Variants in TMEM74 observed in about 807,000 individuals in gnomAD.
TMEM74 encodes transmembrane protein 74.
TMEM74 carries 13 observed loss-of-function variants against 18.1 expected under a neutral mutation model. The observed-to-expected ratio is 0.72, with a 90% CI of 0.47 to 1.14. TMEM74 has a LOEUF of 1.14. Ranked by LOEUF, TMEM74 falls within the 50% of genes most tolerant of loss-of-function variation. The pLI is 0.00. For synonymous variants in TMEM74, 159 were observed against 146.6 expected (o/e 1.08, Z -0.61); for missense variants, 372 against 375.9 (o/e 0.99, Z 0.09).
chr8:108,719,691 T>G (rs1193952476), intron 1 of TMEM74, among the ~76,000 whole-genome samples: 1 of 152,132 alleles, frequency 6.6e-6, no homozygotes, highest in African/African-American at 2.4e-5. Context: ...CAGGCTACTT[T>G]GAGAGTGGAG....
At chr8:108,609,332 C>T (rs2928832) in intron 2 of TMEM74, among the ~76,000 whole-genome samples, 32,377 of 151,988 alleles carry the variant, frequency 0.21, 3,431 homozygotes, top group East Asian at 0.27. Flanking sequence ...TTAAGTTTAA[C>T]GTGTTTAAGT....
intron 1 of TMEM74, among the ~76,000 whole-genome samples, chr8:108,704,303 C>A (rs1586267312): frequency 6.6e-6 from 1 of 152,220 alleles, no homozygotes; most frequent in African/African-American, 2.4e-5. Flanking sequence ...CATTTCCCCT[C>A]ATTTTTCATC....
At chr8:108,677,923 T>A (rs1813070437) in intron 1 of TMEM74, among the ~76,000 whole-genome samples, 1 of 152,124 alleles carries the variant, frequency 6.6e-6, no homozygotes, top group African/African-American at 2.4e-5. Context: ...GTTTTGACAA[T>A]TTATTGTTAT....
chr8:108,724,399 A>G (rs1229293188), intron 1 of TMEM74, among the ~76,000 whole-genome samples: 2 of 152,196 alleles, frequency 1.3e-5, no homozygotes, highest in Non-Finnish European at 2.9e-5. Context: ...TATTACATAA[A>G]TGTTATGAAA....
chr8:108,666,113 A>G (rs1220515876), intron 1 of TMEM74, among the ~76,000 whole-genome samples: 1 of 152,200 alleles, frequency 6.6e-6, no homozygotes, highest in Non-Finnish European at 1.5e-5. Flanking sequence ...TTTTAGGCAC[A>G]GGTCTCATTT....
chr8:108,745,157 T>A (rs1460973459), intron 1 of TMEM74, among the ~76,000 whole-genome samples: 1 of 152,178 alleles, frequency 6.6e-6, no homozygotes, highest in Admixed American at 6.5e-5. Flanking sequence ...TTTCTTCCTC[T>A]GTTTAGTTGG....
At chr8:108,675,540 C>G (rs1468483093) in intron 1 of TMEM74, among the ~76,000 whole-genome samples, 2 of 152,168 alleles carry the variant, frequency 1.3e-5, no homozygotes. Flanking sequence ...ACAAAGTGCT[C>G]AAATGAATGT....
chr8:108,632,367 TAAC>T (rs1446057907), intron 2 of TMEM74, among the ~76,000 whole-genome samples: 1 of 152,016 alleles, frequency 6.6e-6, no homozygotes, highest in Non-Finnish European at 1.5e-5. Flanking sequence ...TTATCACAGA[TAAC>T]AATAACAAAA....
chr8:108,616,125 A>C (rs1010000157), intron 2 of TMEM74, among the ~76,000 whole-genome samples: 2 of 152,086 alleles, frequency 1.3e-5, no homozygotes, highest in Admixed American at 1.3e-4. Flanking sequence ...GATCTTAGGC[A>C]AAGCGTGTTT....
intron 1 of TMEM74, among the ~76,000 whole-genome samples, chr8:108,759,553 C>T (rs1814016841): frequency 6.6e-6 from 1 of 152,020 alleles, no homozygotes; most frequent in Non-Finnish European, 1.5e-5. Context: ...AATGGGGTAG[C>T]TCTCTAATGG....
At chr8:108,685,916 T>A (rs967297899) in intron 1 of TMEM74, among the ~76,000 whole-genome samples, 2 of 152,022 alleles carry the variant, frequency 1.3e-5, no homozygotes, top group African/African-American at 4.8e-5. Context: ...AGCAGAAGAA[T>A]GTGTAAGGTT....
chr8:108,750,082 A>G (rs1245939618), intron 1 of TMEM74, among the ~76,000 whole-genome samples: 1 of 152,104 alleles, frequency 6.6e-6, no homozygotes, highest in Non-Finnish European at 1.5e-5. Flanking sequence ...AGCATTTTCA[A>G]AATCCTAAAC....
At position 108,662,293 on chromosome 8, in the gene TMEM74, G is replaced by A. The variant is rs186564887; in HGVS notation, n.120-6856C>T. Among the ~76,000 whole-genome samples, 40 of 151,988 alleles carry A rather than the reference G, an allele frequency of 2.6e-4. No homozygotes were observed. The East Asian group carries it at 5.2e-3, about 20-fold the overall frequency. On this transcript the variant is annotated intron_variant and non_coding_transcript_variant, in intron 1 of 3. Coordinates refer to the TMEM74 transcript ENST00000518838. ...AATAGTGAGAGACACATGATAGAGA[G>A]GTAGGGACACCTAGAGAGAAAACAA...
intron 1 of TMEM74, among the ~76,000 whole-genome samples, chr8:108,786,319 T>A (rs1814384650): frequency 6.6e-6 from 1 of 152,184 alleles, no homozygotes; most frequent in Non-Finnish European, 1.5e-5. Flanking sequence ...GAATAAAAAT[T>A]CACTTTCCAC....
At chr8:108,739,354 G>C (rs913349330) in intron 1 of TMEM74, among the ~76,000 whole-genome samples, 3 of 152,142 alleles carry the variant, frequency 2.0e-5, no homozygotes, top group Non-Finnish European at 2.9e-5. Flanking sequence ...TTGTGATAAC[G>C]CTTCTGTAGA....
intron 2 of TMEM74, among the ~76,000 whole-genome samples, chr8:108,649,594 G>A (rs1350993645): frequency 1.3e-5 from 2 of 152,084 alleles, no homozygotes; most frequent in African/African-American, 4.8e-5. Flanking sequence ...TTGCAGTTTT[G>A]CCATTACTTT....
chr8:108,780,339 G>A lies in TMEM74; in HGVS notation c.*3842C>T, dbSNP rs1814288975. Among the ~76,000 whole-genome samples the A allele has an allele frequency of 1.3e-5, 2 of 152,054 alleles. No homozygotes were observed. The highest frequency in any genetic ancestry group is 1.3e-4 in the Admixed American group (2 of 15,266). ...TAAAATTTTGCATACACCTATCATT[G>A]CACACGTGAAAGATGAAGACCAAAA... On this transcript the variant is annotated 3_prime_UTR_variant, in exon 2 of 2. Transcript: ENST00000297459.
At chr8:108,658,062 CG>C (rs1203012644) in intron 1 of TMEM74, among the ~76,000 whole-genome samples, 1 of 151,056 alleles carries the variant, frequency 6.6e-6, no homozygotes, top group East Asian at 2.0e-4. Context: ...CCCAAATCAT[CG>C]CAGAGAACAA....
At chr8:108,774,756 ATTT>A (rs71305916), downstream of TMEM74, among the ~76,000 whole-genome samples, 6 of 121,218 alleles carry the variant, frequency 4.9e-5, no homozygotes, top group African/African-American at 1.9e-4. Context: ...CCTTCCTTTA[ATTT>A]TTTTTTTTTT....
Sources: gnomAD v4.1 joint callset for allele counts (sites outside exome capture counted in the v4.1 genomes callset) on GRCh38, gnomAD v4.1.1 for gene constraint, MANE v1.5 for transcripts, NCBI Gene and HGNC (gene_info 2026-07-23, HGNC 2026-07-21) for gene names.